LDLRAD3: variants seen among roughly 807,000 people sequenced by gnomAD.
LDLRAD3 encodes low-density lipoprotein receptor class A domain-containing protein 3.
In LDLRAD3, 20 loss-of-function variants were observed where a neutral mutation model predicts 29.4. That is an observed-to-expected ratio of 0.68 (90% CI 0.48 to 0.99). The LOEUF (loss-of-function observed/expected upper bound fraction) is 0.99, where lower values mean the gene tolerates loss of function less well. Among genes scored for constraint, LDLRAD3 ranks in the 50% least tolerant of loss-of-function variants. LDLRAD3 has a pLI of 0.00. For synonymous variants in LDLRAD3, 157 were observed against 192.7 expected, an observed-to-expected ratio of 0.81 and a Z score of 1.53; for missense variants, 420 against 454.3, an observed-to-expected ratio of 0.92 and a Z score of 0.69.
intron 2 of LDLRAD3, among the ~76,000 whole-genome samples, chr11:36,056,958 G>T (rs1329731630): frequency 6.6e-6 from 1 of 152,106 alleles, no homozygotes; most frequent in Non-Finnish European, 1.5e-5. Context: ...GTAGGTATGT[G>T]GGGTAAGGCT....
chr11:36,018,577 C>T (rs1852052833), intron 1 of LDLRAD3, among the ~76,000 whole-genome samples: 1 of 152,054 alleles, frequency 6.6e-6, no homozygotes, highest in East Asian at 1.9e-4. Flanking sequence ...TGTGTTTCTC[C>T]CTGCATTTAT....
At chr11:36,209,252 A>T (rs998975545) in intron 4 of LDLRAD3, among the ~76,000 whole-genome samples, 1 of 152,168 alleles carries the variant, frequency 6.6e-6, no homozygotes, top group Non-Finnish European at 1.5e-5. Context: ...AACTTAGTTA[A>T]TACAGTTGTT....
At chr11:36,056,798 G>C (rs1265151535) in intron 2 of LDLRAD3, among the ~76,000 whole-genome samples, 1 of 152,078 alleles carries the variant, frequency 6.6e-6, no homozygotes, top group African/African-American at 2.4e-5. Flanking sequence ...CATTCTCAGG[G>C]CACTCTCCAC....
chr11:36,083,122 A>G (rs1853140985), intron 3 of LDLRAD3, among the ~76,000 whole-genome samples: 1 of 152,174 alleles, frequency 6.6e-6, no homozygotes, highest in Non-Finnish European at 1.5e-5. Context: ...CCCATTATCA[A>G]TATCCTCGGC....
intron 4 of LDLRAD3, among the ~76,000 whole-genome samples, chr11:36,188,773 A>G (rs1554972278): frequency 6.6e-6 from 1 of 152,218 alleles, no homozygotes; most frequent in African/African-American, 2.4e-5. Context: ...GGGATTTAGC[A>G]TAAGTCAACA....
intron 3 of LDLRAD3, among the ~76,000 whole-genome samples, chr11:36,091,095 C>T (rs1007962529): frequency 2.6e-5 from 4 of 152,148 alleles, no homozygotes; most frequent in African/African-American, 7.2e-5. Context: ...CAGTGCAGCC[C>T]CCTCTCCCTC....
intron 4 of LDLRAD3, among the ~76,000 whole-genome samples, chr11:36,225,914 T>G (rs1855492081): frequency 6.6e-6 from 1 of 151,754 alleles, no homozygotes; most frequent in Non-Finnish European, 1.5e-5. Context: ...TCTAAAACAC[T>G]AAAAGTAGCT....
rs1214876894 is a variant in LDLRAD3, at chr11:36,229,563, T to C, written c.*166T>C. 1.2e-5 allele frequency: 7 copies of C among 588,578 alleles called. No homozygotes were observed. The highest frequency in any genetic ancestry group is 2.1e-5 in the Non-Finnish European group (7 of 331,302). 36.5% of individuals were successfully genotyped at this position (588,578 alleles called of 1,614,324 possible). On this transcript the variant is annotated 3_prime_UTR_variant, in exon 6 of 6. Transcript: ENST00000315571. ...CCCCTCCTCCCCCAGACTTCAGAGA[T>C]GTTTTTCTGGCGTCTCAGTTGACAT...
At chr11:35,970,676 C>T (rs1851400722) in intron 1 of LDLRAD3, among the ~76,000 whole-genome samples, 6 of 152,152 alleles carry the variant, frequency 3.9e-5, no homozygotes, top group Admixed American at 3.9e-4. Context: ...GCATCTTGCC[C>T]CAGGTCACTC....
chr11:36,039,160 G>T (rs1852348211), intron 2 of LDLRAD3, among the ~76,000 whole-genome samples: 1 of 151,912 alleles, frequency 6.6e-6, no homozygotes, highest in South Asian at 2.1e-4. Context: ...TAGTAGAGAC[G>T]GGGTTTCACC....
chr11:36,007,729 A>C (rs1686308526), intron 1 of LDLRAD3, among the ~76,000 whole-genome samples: 1 of 152,228 alleles, frequency 6.6e-6, no homozygotes, highest in African/African-American at 2.4e-5. Flanking sequence ...GTTAGTTTTT[A>C]AAACTAGAAG....
intron 4 of LDLRAD3, among the ~76,000 whole-genome samples, chr11:36,167,473 G>A (rs1854531393): frequency 7.1e-6 from 1 of 140,692 alleles, no homozygotes; most frequent in Non-Finnish European, 1.6e-5. Flanking sequence ...TCATGTCCCT[G>A]TAAGAAGAAG....
At chr11:36,058,491 T>C (rs1429702125) in intron 2 of LDLRAD3, among the ~76,000 whole-genome samples, 1 of 152,198 alleles carries the variant, frequency 6.6e-6, no homozygotes, top group East Asian at 1.9e-4. Context: ...TTGTGGACTG[T>C]TTGAATGAAT....
At chr11:36,099,753 G>A (rs1853417884) in intron 4 of LDLRAD3, among the ~76,000 whole-genome samples, 1 of 152,168 alleles carries the variant, frequency 6.6e-6, no homozygotes, top group African/African-American at 2.4e-5. Context: ...ATAACAACTG[G>A]TGAGAGTGGG....
At chr11:36,153,636 C>CTAAG (rs1487259439) in intron 4 of LDLRAD3, among the ~76,000 whole-genome samples, 4 of 152,158 alleles carry the variant, frequency 2.6e-5, no homozygotes, top group Non-Finnish European at 4.4e-5. Flanking sequence ...TTTTGAATGG[C>CTAAG]TAAGTGGAAC....
At chr11:35,994,298 C>T (rs1452906414) in intron 1 of LDLRAD3, among the ~76,000 whole-genome samples, 1 of 136,498 alleles carries the variant, frequency 7.3e-6, no homozygotes, top group Non-Finnish European at 1.5e-5. Flanking sequence ...GATAGTGCCA[C>T]TGCACTCCAG....
At chr11:36,225,242 C>T (rs1855483307) in intron 4 of LDLRAD3, among the ~76,000 whole-genome samples, 1 of 152,198 alleles carries the variant, frequency 6.6e-6, no homozygotes, top group Non-Finnish European at 1.5e-5. Flanking sequence ...AGAACAAGGA[C>T]AGGGTCTTGG....
chr11:36,222,931 G>A (rs774612003), intron 4 of LDLRAD3, among the ~76,000 whole-genome samples: 17 of 152,230 alleles, frequency 1.1e-4, no homozygotes, highest in East Asian at 7.7e-4. Flanking sequence ...GAAGCGGCAC[G>A]TACAGGACAA....
At chr11:36,128,208 A>G (rs77440972) in intron 4 of LDLRAD3, among the ~76,000 whole-genome samples, 30 of 149,234 alleles carry the variant, frequency 2.0e-4, no homozygotes, top group Non-Finnish European at 3.1e-4. Flanking sequence ...GTTTGTTTGT[A>G]ATACTGTGTG....
Sources: allele counts gnomAD v4.1 joint callset (sites outside exome capture counted in the v4.1 genomes callset), GRCh38; gene constraint gnomAD v4.1.1; transcripts MANE v1.5; gene names NCBI Gene and HGNC (gene_info 2026-07-23, HGNC 2026-07-21).